The following CD274 variants were observed in gnomAD, a reference collection of about 807,000 sequenced individuals.
The protein encoded by CD274 is CD274 molecule.
In CD274, 8 loss-of-function variants were observed where a neutral mutation model predicts 30.1. The ratio of observed to expected loss-of-function variants is 0.27; its 90% CI spans 0.16 to 0.48. CD274 has a LOEUF of 0.48. Among genes scored for constraint, CD274 ranks in the 20% least tolerant of loss-of-function variants. The probability of loss-of-function intolerance (pLI) is 0.99; values close to 1 mark genes in which losing one functional copy is unlikely to be tolerated. For missense variants in CD274, 353 were observed against 346.6 expected (o/e 1.02, Z -0.15); for synonymous variants, 152 against 124.6 (o/e 1.22, Z -1.46).
At chr9:5,451,978 C>A (rs1226650555) in intron 1 of CD274, among the ~76,000 whole-genome samples, 5 of 151,614 alleles carry the variant, frequency 3.3e-5, no homozygotes, top group Non-Finnish European at 5.9e-5. Flanking sequence ...ACCATGCAGG[C>A]CTCTTGCTCC....
rs200003059 is a variant in CD274 at position 5,457,080 on chromosome 9, A to G, written c.54A>G (p.Ala18=). 9 of 1,593,782 alleles carry G rather than the reference A, an allele frequency of 5.6e-6. No individual in the cohort carries two copies. The highest frequency in any genetic ancestry group is 1.7e-4 in the Middle Eastern group (1 of 5,948). ...IFMTYWHLLN[A]FTVTVPKDLY... is the part of the protein sequence containing the mutation. ...AAGATTGTCCTTCTTTCTTTTTAGCATTTACTGTCACGGTTCCCAAGGACC... is the reference window on the plus strand; with the variant it reads ...AAGATTGTCCTTCTTTCTTTTTAGCGTTTACTGTCACGGTTCCCAAGGACC... Residue 18 remains alanine (A), a splice_region_variant and synonymous_variant, in exon 3 of 7, where the codon GCA becomes GCG. Transcript: ENST00000381577.
Position 5,468,190 on chromosome 9 carries a change from G to A in CD274, c.*328G>A, listed in dbSNP as rs1819528633. The A allele has an allele frequency of 5.6e-6, 2 of 359,588 alleles. No individual in the cohort carries two copies. The highest frequency in any genetic ancestry group is 1.0e-5 in the Non-Finnish European group (2 of 197,862). The allele number at this position is 359,588 out of a possible 1,614,324, so 22.3% of individuals were successfully genotyped here. A position where few individuals can be genotyped will look rare whatever the true frequency, so the allele number is the denominator to read the frequency against. ...ATTGCTCATCCTAGGAAGACGGGTT[G>A]AGAATCCCTAATTTGAGGGTCAGTT... On this transcript the variant is annotated 3_prime_UTR_variant, in exon 7 of 7. Transcript: ENST00000381577.
At chr9:5,467,605 A>C (rs957943464) in intron 6 of CD274, among the ~76,000 whole-genome samples, 1 of 152,160 alleles carries the variant, frequency 6.6e-6, no homozygotes, top group African/African-American at 2.4e-5. Context: ...GCTAAGTAGC[A>C]AATGTTGTTT....
intron 3 of CD274, among the ~76,000 whole-genome samples, chr9:5,461,262 T>C (rs552276365): frequency 6.6e-6 from 1 of 152,288 alleles, no homozygotes; most frequent in South Asian, 2.1e-4. Context: ...CTTGAATTAT[T>C]AGTATTATCT....
intron 3 of CD274, among the ~76,000 whole-genome samples, chr9:5,457,826 C>G (rs983120650): frequency 2.0e-5 from 3 of 152,152 alleles, no homozygotes; most frequent in Admixed American, 2.0e-4. Context: ...ATTTGTGTGT[C>G]CCTCCAGAAA....
intron 5 of CD274, 40 bp from the exon 6 acceptor site, chr9:5,466,730 C>G (rs2131232704): frequency 6.9e-7 from 1 of 1,458,128 alleles, no homozygotes; most frequent in South Asian, 1.2e-5. Flanking sequence ...GGATGTAGAG[C>G]TGTGCTATAT....
chr9:5,462,516 C>T (rs995904380), intron 3 of CD274, among the ~76,000 whole-genome samples: 1 of 152,110 alleles, frequency 6.6e-6, no homozygotes. Flanking sequence ...GCAGTGTTGT[C>T]ACATGGATAT....
In CD274 at chr9:5,452,228, G is replaced by A. The variant is rs566948418; in HGVS notation, c.-15+1632G>A. On this transcript the variant is annotated intron_variant, in intron 1 of 6. Coordinates refer to ENST00000381577, the MANE Select transcript of CD274 (RefSeq NM_014143.4). ...AATGGGGTTTCACCATATTGGCCAG[G>A]CTGATCTCGAACTCCTGACCTCAGG... Among the ~76,000 whole-genome samples the A allele has an allele frequency of 5.9e-5, 9 of 152,190 alleles. No homozygotes were observed. In the South Asian group the frequency reaches 1.9e-3, roughly 32 times the overall value.
intron 1 of CD274, among the ~76,000 whole-genome samples, chr9:5,455,684 C>T (rs1819288810): frequency 6.6e-6 from 1 of 152,122 alleles, no homozygotes. Flanking sequence ...GGGGAAAAAG[C>T]ATTGACAGGT....
At chr9:5,454,077 G>T (rs191447445) in intron 1 of CD274, among the ~76,000 whole-genome samples, 1 of 152,146 alleles carries the variant, frequency 6.6e-6, no homozygotes, top group East Asian at 1.9e-4. Context: ...ATTATTCTAC[G>T]TCAGTTTGGA....
chr9:5,457,262 G>C lies in CD274; in HGVS notation c.236G>C (p.Ser79Thr), dbSNP rs752777570. ...HGEEDLKVQH[S>T]SYRQRARLLK... ...GAGGAAGACCTGAAGGTTCAGCATA[G>C]TAGCTACAGACAGAGGGCCCGGCTG... Residue 79 changes from serine (S) to threonine (T), a missense_variant, in exon 3 of 7, where the codon AGT becomes ACT. Transcript: ENST00000381577. 15 of 1,613,982 alleles carry C rather than the reference G, an allele frequency of 9.3e-6. No homozygotes were observed. The African/African-American group carries it at 1.7e-4, about 19-fold the overall frequency.
chr9:5,466,739 A>T (rs117172412), intron 5 of CD274, 31 bp from the exon 6 acceptor site: 1 of 1,554,868 alleles, frequency 6.4e-7, no homozygotes, highest in East Asian at 2.2e-5. Flanking sequence ...GCTGTGCTAT[A>T]TGGAAATAAA....
Position 5,462,881 on chromosome 9 carries a change from A to T in CD274, c.442A>T (p.Thr148Ser), listed in dbSNP as rs140045210. The T allele has an allele frequency of 8.1e-6, 13 of 1,613,916 alleles. No individual in the cohort carries two copies. In the African/African-American group the frequency reaches 1.7e-4, roughly 22 times the overall value. Reference protein sequence around the residue: ...NQRILVVDPVTSEHELTCQAE... With the variant: ...NQRILVVDPVSSEHELTCQAE... ...AAGAATTTTGGTTGTGGATCCAGTC[A>T]CCTCTGAACATGAACTGACATGTCA... The change falls in exon 4 of 7, where the codon ACC (threonine) becomes TCC (serine). Residue 148 changes from threonine to serine, a missense_variant. By Grantham distance (58) the Thr-to-Ser change is moderately conservative. Transcript: ENST00000381577.
intron 6 of CD274, among the ~76,000 whole-genome samples, chr9:5,467,263 A>G (rs1167435858): frequency 6.6e-6 from 1 of 152,106 alleles, no homozygotes; most frequent in Non-Finnish European, 1.5e-5. Flanking sequence ...CAGTAGAGAA[A>G]ACAGAGGGTC....
Position 5,470,554 on chromosome 9 carries a change from A to T in CD274, c.*2692A>T, listed in dbSNP as rs532800511. The T allele has an allele frequency of 5.0e-6, 1 of 200,138 alleles. No individual in the cohort carries two copies. The highest frequency in any genetic ancestry group is 2.3e-5 in the African/African-American group (1 of 43,496). 12.4% of individuals were successfully genotyped at this position (200,138 alleles called of 1,614,324 possible). A position where few individuals can be genotyped will look rare whatever the true frequency, so the allele number is the denominator to read the frequency against. ...AATAAAATGTTCAGTTTAACATCCC[A>T]GTGGAGAAAGTTACTTGGAATATTT... On this transcript the variant is annotated 3_prime_UTR_variant, in exon 7 of 7. Coordinates refer to ENST00000381577, the MANE Select transcript of CD274 (RefSeq NM_014143.4).
intron 3 of CD274, among the ~76,000 whole-genome samples, chr9:5,459,301 C>T (rs1819362209): frequency 6.6e-6 from 1 of 152,206 alleles, no homozygotes; most frequent in Non-Finnish European, 1.5e-5. Flanking sequence ...TTGTCATTTG[C>T]ATACAGTGGT....
chr9:5,465,477 T>G, intron 4 of CD274, 22 bp from the exon 5 acceptor site: 1 of 1,415,900 alleles, frequency 7.1e-7, no homozygotes, highest in Non-Finnish European at 1.0e-6. Context: ...TCAGTTTGTT[T>G]TCGTTTTGTT....
chr9:5,452,022 T>G (rs1819213601), intron 1 of CD274, among the ~76,000 whole-genome samples: 1 of 114,860 alleles, frequency 8.7e-6, no homozygotes, highest in African/African-American at 3.5e-5. Context: ...CCGGTTTTTT[T>G]TGTCTTTTTT....
In CD274 at chr9:5,465,446, C is replaced by A. The variant is rs1440702173; in HGVS notation, c.683-53C>A. The A allele has an allele frequency of 4.8e-6, 5 of 1,031,500 alleles. No individual in the cohort carries two copies. The African/African-American group carries it at 7.9e-5, about 16-fold the overall frequency. 63.9% of individuals were successfully genotyped at this position (1,031,500 alleles called of 1,614,324 possible). Reference sequence around the variant, plus strand: ...GGATGACCATTCTCCTGACCCCTTCCCATCAAAATTTTATCTTTAGTCAGT... The same window carrying A: ...GGATGACCATTCTCCTGACCCCTTCACATCAAAATTTTATCTTTAGTCAGT... On this transcript the variant is annotated intron_variant, in intron 4 of 6. Coordinates refer to ENST00000381577, the MANE Select transcript of CD274 (RefSeq NM_014143.4).
Sources: allele counts gnomAD v4.1 joint callset (sites outside exome capture counted in the v4.1 genomes callset), GRCh38; gene constraint gnomAD v4.1.1; transcripts MANE v1.5; gene names NCBI Gene and HGNC (gene_info 2026-07-23, HGNC 2026-07-21).